RGS6: variants seen among roughly 807,000 people sequenced by gnomAD.
The protein encoded by RGS6 is regulator of G-protein signaling 6.
A neutral mutation model predicts 78.5 loss-of-function variants in RGS6; 30 were observed. The ratio of observed to expected loss-of-function variants is 0.38; its 90% CI spans 0.29 to 0.52. The LOEUF is 0.52. RGS6 is among the 20% of genes least tolerant of loss of function. The pLI is 0.85. For missense variants in RGS6, 495 were observed against 609.7 expected (o/e 0.81, Z 1.98); for synonymous variants, 206 against 206.0 (o/e 1.00, Z 0.00).
At chr14:72,087,092 A>T (rs1459734786) in intron 2 of RGS6, among the ~76,000 whole-genome samples, 1 of 152,206 alleles carries the variant, frequency 6.6e-6, no homozygotes, top group Admixed American at 6.5e-5. Context: ...TGCCTCTTTC[A>T]TCAGATAAGA....
intron 10 of RGS6, among the ~76,000 whole-genome samples, 161 bp from the exon 11 acceptor site, chr14:72,476,581 A>G (rs1364908446): frequency 6.6e-6 from 1 of 152,258 alleles, no homozygotes; most frequent in Non-Finnish European, 1.5e-5. Context: ...GACATGCCTT[A>G]AGAGGCAGCA....
chr14:72,260,989 G>C (rs531929198), intron 2 of RGS6, among the ~76,000 whole-genome samples: 44 of 152,250 alleles, frequency 2.9e-4, no homozygotes, highest in Non-Finnish European at 5.0e-4. Flanking sequence ...TGGCCTTTTG[G>C]GTTGAGGCAA....
At chr14:72,062,227 T>G (rs55794105) in intron 2 of RGS6, among the ~76,000 whole-genome samples, 232 of 152,284 alleles carry the variant, frequency 1.5e-3, no homozygotes, top group Middle Eastern at 6.8e-3. Flanking sequence ...AAATAGCCAT[T>G]TCAAAGACCC....
chr14:72,424,696 T>C (rs1223484920), intron 3 of RGS6, among the ~76,000 whole-genome samples: 1 of 152,240 alleles, frequency 6.6e-6, no homozygotes, highest in Non-Finnish European at 1.5e-5. Context: ...ATTTTAATCC[T>C]TTGCATTCAC....
At chr14:71,912,977 C>G in the RGS6 span, among the ~76,000 whole-genome samples, 1 of 152,044 alleles carries the variant, frequency 6.6e-6, no homozygotes, top group African/African-American at 2.4e-5. Flanking sequence ...AGGTGCCCAC[C>G]ACCACACCCG....
intron 1 of RGS6, among the ~76,000 whole-genome samples, chr14:71,960,381 C>G (rs1461099416): frequency 6.6e-6 from 1 of 152,152 alleles, no homozygotes; most frequent in Non-Finnish European, 1.5e-5. Flanking sequence ...ATACATGGGT[C>G]TTTGTTGATC....
intron 3 of RGS6, among the ~76,000 whole-genome samples, chr14:72,388,766 G>A (rs1451248367): frequency 6.6e-6 from 1 of 152,184 alleles, no homozygotes; most frequent in East Asian, 1.9e-4. Flanking sequence ...TATGGGCTCT[G>A]TACCTTGGCC....
chr14:72,340,776 AT>A (rs34003450), intron 2 of RGS6, among the ~76,000 whole-genome samples: 2 of 152,128 alleles, frequency 1.3e-5, no homozygotes, highest in African/African-American at 4.8e-5. Context: ...GCCCTGAAAT[AT>A]TTTTTTAAGG....
intron 17 of RGS6, among the ~76,000 whole-genome samples, chr14:72,550,185 C>T (rs761090329): frequency 2.6e-5 from 4 of 152,148 alleles, no homozygotes; most frequent in South Asian, 4.1e-4. Flanking sequence ...ATGGCGATCC[C>T]GGTAAAGTCA....
At chr14:72,562,388 C>A in intron 17 of RGS6, 29 bp from the exon 18 acceptor site, 4 of 1,603,806 alleles carry the variant, frequency 2.5e-6, no homozygotes, top group Non-Finnish European at 3.4e-6. Context: ...TGCGCCTGTG[C>A]GTGCCTCTCT....
intron 15 of RGS6, among the ~76,000 whole-genome samples, chr14:72,523,155 G>A (rs541808330): frequency 2.0e-4 from 30 of 152,288 alleles, no homozygotes; most frequent in South Asian, 1.9e-3. Context: ...GCCAGGACTT[G>A]CACTCAGATG....
chr14:72,008,807 A>G (rs2085095974), intron 2 of RGS6, among the ~76,000 whole-genome samples: 1 of 152,156 alleles, frequency 6.6e-6, no homozygotes, highest in African/African-American at 2.4e-5. Flanking sequence ...CTGTAACCTC[A>G]TGAGATACTA....
chr14:72,071,167 A>C (rs1164757169), intron 2 of RGS6, among the ~76,000 whole-genome samples: 1 of 152,168 alleles, frequency 6.6e-6, no homozygotes, highest in Non-Finnish European at 1.5e-5. Flanking sequence ...TGAATAACTT[A>C]TGTAATCTTT....
chr14:72,246,605 A>G (rs557581729), intron 2 of RGS6, among the ~76,000 whole-genome samples: 20 of 152,162 alleles, frequency 1.3e-4, no homozygotes, highest in Non-Finnish European at 2.2e-4. Flanking sequence ...TTTTATTACT[A>G]TTATTTTAAG....
chr14:72,173,943 T>G (rs1013923900), intron 2 of RGS6, among the ~76,000 whole-genome samples: 1 of 152,144 alleles, frequency 6.6e-6, no homozygotes, highest in African/African-American at 2.4e-5. Context: ...CTCTTAGATG[T>G]GTAGGGACAC....
chr14:71,949,441 T>A (rs780584715), intron 1 of RGS6, among the ~76,000 whole-genome samples: 3 of 152,198 alleles, frequency 2.0e-5, no homozygotes, highest in Non-Finnish European at 2.9e-5. Flanking sequence ...CTTTTTAATT[T>A]TTTTTTGCCA....
chr14:72,558,459 G>A (rs2097618414), intron 17 of RGS6, among the ~76,000 whole-genome samples: 1 of 152,156 alleles, frequency 6.6e-6, no homozygotes, highest in Non-Finnish European at 1.5e-5. Context: ...AAAAGCTCTT[G>A]GTAACCCAGA....
the RGS6 span, among the ~76,000 whole-genome samples, chr14:71,915,371 A>G: frequency 1.3e-5 from 2 of 152,008 alleles, no homozygotes; most frequent in Non-Finnish European, 2.9e-5. Context: ...ATTATCCCCC[A>G]CAGCTCCTTC....
intron 3 of RGS6, among the ~76,000 whole-genome samples, chr14:72,443,735 G>T (rs182603779): frequency 1.3e-5 from 2 of 152,170 alleles, no homozygotes; most frequent in African/African-American, 4.8e-5. Flanking sequence ...CCAGAAATAT[G>T]CTCAGCTGCC....
Sources: allele counts gnomAD v4.1 joint callset (sites outside exome capture counted in the v4.1 genomes callset), GRCh38; gene constraint gnomAD v4.1.1; transcripts MANE v1.5; gene names NCBI Gene and HGNC (gene_info 2026-07-23, HGNC 2026-07-21).